MSH4: variants seen among roughly 807,000 people sequenced by gnomAD.
The protein encoded by MSH4 is mutS homolog 4.
A neutral mutation model predicts 113.7 loss-of-function variants in MSH4; 106 were observed. That is an observed-to-expected ratio of 0.93 (90% CI 0.80 to 1.10). MSH4 has a LOEUF of 1.10. Among genes scored for constraint, MSH4 ranks in the 50% least tolerant of loss-of-function variants. MSH4 has a pLI of 0.00. For missense variants in MSH4, 1,061 were observed against 1,093.7 expected (o/e 0.97, Z 0.42); for synonymous variants, 368 against 380.2 (o/e 0.97, Z 0.37).
chr1:75,903,750 A>G (rs1652560414), intron 19 of MSH4, among the ~76,000 whole-genome samples: 1 of 151,882 alleles, frequency 6.6e-6, no homozygotes, highest in African/African-American at 2.4e-5. Context: ...TACAAATGTC[A>G]CTGATTTTTA....
At chr1:75,910,385 C>T (rs1652763583) in intron 19 of MSH4, among the ~76,000 whole-genome samples, 1 of 151,972 alleles carries the variant, frequency 6.6e-6, no homozygotes, top group Non-Finnish European at 1.5e-5. Context: ...CATTCTCCTA[C>T]CTGTTTGATT....
chr1:75,810,164 T>C (rs1273608251), intron 3 of MSH4, among the ~76,000 whole-genome samples: 1 of 151,890 alleles, frequency 6.6e-6, no homozygotes, highest in East Asian at 1.9e-4. Flanking sequence ...ATAGGAGATA[T>C]ATGTTCAATA....
chr1:75,878,874 C>T (rs1392138192), intron 11 of MSH4, 118 bp from the exon 12 acceptor site: 4 of 841,070 alleles, frequency 4.8e-6, no homozygotes, highest in South Asian at 3.8e-5. Context: ...ACAAGACCTC[C>T]TATTTATGTA....
intron 9 of MSH4, among the ~76,000 whole-genome samples, chr1:75,868,095 A>C (rs1425895084): frequency 6.6e-6 from 1 of 152,106 alleles, no homozygotes; most frequent in African/African-American, 2.4e-5. Flanking sequence ...TTGAAGCATA[A>C]GGGTCAACTT....
chr1:75,907,676 C>CTCTCTCTT (rs1652689961), intron 19 of MSH4, among the ~76,000 whole-genome samples: 1 of 80,224 alleles, frequency 1.2e-5, no homozygotes, highest in Admixed American at 1.7e-4. Context: ...CTCTCTCTCT[C>CTCTCTCTT]TCTCTCTCTA....
At position 75,907,689 on chromosome 1, in the gene MSH4, CATATA is replaced by C. The variant is rs1652694367; in HGVS notation, c.2620-5006_2620-5002del. On this transcript the variant is annotated intron_variant, in intron 19 of 19. Coordinates refer to ENST00000263187, the MANE Select transcript of MSH4 (RefSeq NM_002440.4). ...CTCTCTCTCTCTCTCTCTCTCTATA[CATATA>C]TATATATATATATATATATATATAT... Among the ~76,000 whole-genome samples the C allele has an allele frequency of 1.3e-3, 99 of 78,618 alleles. 2 individuals carry two copies. Among genetic ancestry groups the C allele is most frequent in the African/African-American group, 3.9e-3 (66 of 17,098 alleles). 51.6% of individuals were successfully genotyped at this position (78,618 alleles called of 152,430 possible).
intron 8 of MSH4, among the ~76,000 whole-genome samples, chr1:75,853,268 T>C (rs956447365): frequency 3.9e-5 from 6 of 152,160 alleles, no homozygotes; most frequent in Non-Finnish European, 1.5e-5. Context: ...TTTCACCATG[T>C]TGGTCAGGAT....
chr1:75,825,523 G>C (rs1044116223), intron 7 of MSH4, among the ~76,000 whole-genome samples: 2 of 152,132 alleles, frequency 1.3e-5, no homozygotes, highest in African/African-American at 2.4e-5. Context: ...GGTGAGAAAG[G>C]ACATCCTTGT....
intron 8 of MSH4, among the ~76,000 whole-genome samples, chr1:75,853,693 A>G (rs1184582281): frequency 5.3e-5 from 8 of 151,984 alleles, no homozygotes; most frequent in African/African-American, 1.7e-4. Flanking sequence ...GTTATAGTCT[A>G]TTACTGTCAA....
chr1:75,878,865 C>CA (rs1651870916), intron 11 of MSH4, 127 bp from the exon 12 acceptor site: 1 of 700,090 alleles, frequency 1.4e-6, no homozygotes, highest in Non-Finnish European at 2.2e-6. Context: ...GAAAGAGCAA[C>CA]AAGACCTCCT....
chr1:75,905,041 T>C (rs1480147079), intron 19 of MSH4, among the ~76,000 whole-genome samples: 1 of 152,026 alleles, frequency 6.6e-6, no homozygotes, highest in Non-Finnish European at 1.5e-5. Flanking sequence ...TTCAACTTCA[T>C]TTATTTCTGC....
At chr1:75,813,486 T>G (rs532760442) in intron 4 of MSH4, among the ~76,000 whole-genome samples, 2 of 152,252 alleles carry the variant, frequency 1.3e-5, no homozygotes, top group East Asian at 3.9e-4. Flanking sequence ...GGAGCTTCAG[T>G]TTTTTTCATC....
At position 75,816,477 on chromosome 1, in the gene MSH4, AACAG is replaced by A; in HGVS notation, c.925_928del (p.Thr309ProfsTer2). ...CTGAAGATTTGTTTCCAGGGTAGTGAACAGACAGCCATGATAGATTCATCATCAG... is the reference window on the plus strand; with the variant it reads ...CTGAAGATTTGTTTCCAGGGTAGTGAACAGCCATGATAGATTCATCATCAG... On this transcript the variant is annotated frameshift_variant, in exon 6 of 20. Coordinates refer to ENST00000263187, the MANE Select transcript of MSH4 (RefSeq NM_002440.4). LOFTEE classifies it high-confidence loss of function. 1 of 1,610,940 alleles carries A rather than the reference AACAG, an allele frequency of 6.2e-7. No homozygotes were observed. The highest frequency in any genetic ancestry group is 8.5e-7 in the Non-Finnish European group (1 of 1,178,036).
chr1:75,884,967 ATATGTATGTATG>A (rs1388879432), intron 15 of MSH4, among the ~76,000 whole-genome samples: 3 of 138,842 alleles, frequency 2.2e-5, no homozygotes, highest in Non-Finnish European at 4.6e-5. Context: ...GTATATATGT[ATATGTATGTATG>A]TATATATATG....
At chr1:75,889,771 A>G (rs1398585253) in intron 16 of MSH4, among the ~76,000 whole-genome samples, 1 of 152,074 alleles carries the variant, frequency 6.6e-6, no homozygotes, top group Non-Finnish European at 1.5e-5. Flanking sequence ...GTTCTCATAG[A>G]ATTTTCACTC....
chr1:75,839,219 C>A (rs949732226), intron 7 of MSH4, among the ~76,000 whole-genome samples: 1 of 151,376 alleles, frequency 6.6e-6, no homozygotes, highest in Non-Finnish European at 1.5e-5. Context: ...ATATCTTTTT[C>A]TTTTCTTTTT....
chr1:75,834,353 A>C (rs1020547224), intron 7 of MSH4, among the ~76,000 whole-genome samples: 1 of 152,230 alleles, frequency 6.6e-6, no homozygotes, highest in Admixed American at 6.5e-5. Flanking sequence ...TAGTTCAACC[A>C]TTGTGGAAGA....
chr1:75,801,660 G>T (rs1379712062), intron 1 of MSH4, among the ~76,000 whole-genome samples: 2 of 151,856 alleles, frequency 1.3e-5, no homozygotes, highest in East Asian at 3.9e-4. Flanking sequence ...GATTGCTTGA[G>T]GCCAGGTGTT....
At chr1:75,861,358 A>G (rs923889076) in intron 8 of MSH4, among the ~76,000 whole-genome samples, 1 of 151,856 alleles carries the variant, frequency 6.6e-6, no homozygotes, top group African/African-American at 2.4e-5. Context: ...GGTTTTTGGT[A>G]TTTTCAGCCT....
Sources: gnomAD v4.1 joint callset for allele counts (sites outside exome capture counted in the v4.1 genomes callset) on GRCh38, gnomAD v4.1.1 for gene constraint, MANE v1.5 for transcripts, NCBI Gene and HGNC (gene_info 2026-07-23, HGNC 2026-07-21) for gene names.